Variants in GOT1L1 observed in about 807,000 individuals in gnomAD.
GOT1L1 encodes the protein aspartate aminotransferase, cytoplasmic 2.
In GOT1L1, 38 loss-of-function variants were observed where a neutral mutation model predicts 43.6. The ratio of observed to expected loss-of-function variants is 0.87; its 90% CI spans 0.67 to 1.14. The LOEUF (loss-of-function observed/expected upper bound fraction) is 1.14, where lower values mean the gene tolerates loss of function less well. Ranked by LOEUF, GOT1L1 falls within the 50% of genes most tolerant of loss-of-function variation. GOT1L1 has a pLI of 0.00. For missense variants in GOT1L1, 482 were observed against 504.0 expected (o/e 0.96, Z 0.42); for synonymous variants, 183 against 187.2 (o/e 0.98, Z 0.18).
intron 2 of GOT1L1, among the ~76,000 whole-genome samples, chr8:37,937,963 C>T (rs987730773): frequency 6.6e-6 from 1 of 152,194 alleles, no homozygotes; most frequent in Non-Finnish European, 1.5e-5. Flanking sequence ...ATCACTTGAA[C>T]CCGGAAGGCG....
intron 6 of GOT1L1, 147 bp from the exon 7 acceptor site, chr8:37,936,016 G>T (rs778658319): frequency 1.2e-6 from 1 of 825,876 alleles, no homozygotes; most frequent in African/African-American, 1.8e-5. Context: ...TTCAGGCTCC[G>T]GGAAGTTGCC....
intron 1 of GOT1L1, chr8:37,939,082 T>TA: frequency 5.9e-6 from 3 of 510,242 alleles, no homozygotes; most frequent in Non-Finnish European, 3.6e-6. Context: ...TTTGTCTTTT[T>TA]AAAAAAGACA....
rs1475433812 is a variant in GOT1L1, at chr8:37,939,427, AAAAAATATATATATATAT to A, written c.115+470_115+487del. On this transcript the variant is annotated intron_variant, in intron 1 of 8. Coordinates refer to ENST00000307599, the MANE Select transcript of GOT1L1 (RefSeq NM_152413.3). ...AGGCCCTGTCTCAAGAAAAAAAAAA[AAAAAATATATATATATAT>A]ATATATATATATATATATATATATA... Among the ~76,000 whole-genome samples, 143 of 51,010 alleles carry A rather than the reference AAAAAATATATATATATAT, an allele frequency of 2.8e-3. 7 individuals are homozygous for A. Among genetic ancestry groups the A allele is most frequent in the African/African-American group, 8.8e-3 (104 of 11,882 alleles). 33.5% of individuals were successfully genotyped at this position (51,010 alleles called of 152,430 possible).
Position 37,940,081 on chromosome 8 carries a change from C to T in GOT1L1, c.-52G>A. The T allele has an allele frequency of 6.4e-7, 1 of 1,558,312 alleles. No homozygotes were observed. Among genetic ancestry groups the T allele is most frequent in the East Asian group, 2.4e-5 (1 of 42,546 alleles). On this transcript the variant is annotated 5_prime_UTR_variant, in exon 1 of 9. Coordinates refer to ENST00000307599, the MANE Select transcript of GOT1L1 (RefSeq NM_152413.3). ...TATGTGTCTCTGCTCCTGTGTTCCGCTTCTGCCCAGAAGTCTTCCTCCAAG... is the reference window on the plus strand; with the variant it reads ...TATGTGTCTCTGCTCCTGTGTTCCGTTTCTGCCCAGAAGTCTTCCTCCAAG...
At chr8:37,939,093 A>G (rs930636303) in intron 1 of GOT1L1, 2 of 484,754 alleles carry the variant, frequency 4.1e-6, no homozygotes, top group African/African-American at 3.9e-5. Flanking sequence ...AAAAAAGACA[A>G]CTGAAACCTA....
At chr8:37,935,587 T>C (rs975462939) in intron 7 of GOT1L1, 117 bp downstream of exon 7, 153 of 939,990 alleles carry the variant, frequency 1.6e-4, no homozygotes, top group Non-Finnish European at 2.2e-4. Flanking sequence ...GATGAATGAA[T>C]GGAGTAAAAA....
chr8:37,940,047 A>G lies in GOT1L1; in HGVS notation c.-18T>C. On this transcript the variant is annotated 5_prime_UTR_variant, in exon 1 of 9. Transcript: ENST00000307599. Reference sequence around the variant, plus strand: ...GTGGGCATAACTGAAACGAAACTGGAGCCAAGACTATGTGTCTCTGCTCCT... The same window carrying G: ...GTGGGCATAACTGAAACGAAACTGGGGCCAAGACTATGTGTCTCTGCTCCT... 6.2e-7 allele frequency: 1 copy of G among 1,607,430 alleles called. No individual in the cohort carries two copies. The highest frequency in any genetic ancestry group is 1.3e-5 in the African/African-American group (1 of 74,938).
intron 6 of GOT1L1, 35 bp from the exon 7 acceptor site, chr8:37,935,904 C>G (rs772349579): frequency 6.3e-7 from 1 of 1,597,208 alleles, no homozygotes; most frequent in Non-Finnish European, 8.5e-7. Context: ...AGCCTCAGCC[C>G]CTTCCTCCAC....
chr8:37,936,736 C>A lies in GOT1L1; in HGVS notation c.747G>T (p.Lys249Asn), dbSNP rs802168. Residue 249 changes from lysine (K) to asparagine (N), a missense_variant, in exon 6 of 9, where the codon AAG becomes AAT. Transcript: ENST00000307599. ...GTACCATACCATAAATGCCAAAATT[C>A]TTGGACAGAGACTGGCTGCAGAAGA... Reference protein sequence around the residue: ...FEFFCSQSLSKNFGIYDEGVG... With the variant: ...FEFFCSQSLSNNFGIYDEGVG... 1 of 1,611,998 alleles carries A rather than the reference C, an allele frequency of 6.2e-7. No individual in the cohort carries two copies. Among genetic ancestry groups the A allele is most frequent in the South Asian group, 1.1e-5 (1 of 90,996 alleles).
In GOT1L1 at chr8:37,937,692, G is replaced by C; in HGVS notation, c.355C>G (p.Leu119Val). 1.2e-6 allele frequency: 2 copies of C among 1,613,376 alleles called. No individual in the cohort carries two copies. The highest frequency in any genetic ancestry group is 1.7e-6 in the Non-Finnish European group (2 of 1,179,672). ...CGAGCATCCTTATGCCAAGCTCTGA[G>C]AAACTGGACGCCAAGCTGGAAGGCA... The part of the protein sequence containing the change: ...SGAFQLGVQF[L>V]RAWHKDARIV... Residue 119 changes from leucine (L) to valine (V), a missense_variant, in exon 3 of 9, where the codon CTC (leucine) becomes GTC (valine). Leu to Val is a conservative substitution (Grantham distance 32, BLOSUM62 1). Coordinates refer to ENST00000307599, the MANE Select transcript of GOT1L1 (RefSeq NM_152413.3).
chr8:37,935,026 C>T (rs1342578209), intron 8 of GOT1L1, 47 bp downstream of exon 8: 4 of 1,603,922 alleles, frequency 2.5e-6, no homozygotes, highest in South Asian at 2.2e-5. Context: ...TGCTCAAATA[C>T]AGGCCAAAGG....
At chr8:37,937,198 C>A in intron 4 of GOT1L1, 79 bp downstream of exon 4, 1 of 1,227,816 alleles carries the variant, frequency 8.1e-7, no homozygotes, top group South Asian at 1.3e-5. Context: ...TCTTGGATGA[C>A]TTAAGAGGTG....
In GOT1L1 at chr8:37,935,821, A is replaced by T. The variant is rs1475351210; in HGVS notation, c.812T>A (p.Leu271Gln). Residue 271 changes from leucine (L) to glutamine (Q), a missense_variant, in exon 7 of 9, where the codon CTG (leucine) becomes CAG (glutamine). Coordinates refer to ENST00000307599, the MANE Select transcript of GOT1L1 (RefSeq NM_152413.3). ...LVVVAVNNQQ[L>Q]LCVLSQLEGL... ...TTCCAGCTGGGAGAGGACACACAGCAGCTGCTGGTTGTTGACTGCCACCAC... is the reference window on the plus strand; with the variant it reads ...TTCCAGCTGGGAGAGGACACACAGCTGCTGCTGGTTGTTGACTGCCACCAC... The T allele has an allele frequency of 6.2e-7, 1 of 1,613,016 alleles. No individual in the cohort carries two copies. Among genetic ancestry groups the T allele is most frequent in the East Asian group, 2.2e-5 (1 of 44,826 alleles).
chr8:37,939,416 G>GA (rs4058283), intron 1 of GOT1L1, among the ~76,000 whole-genome samples: 1,572 of 21,250 alleles, frequency 0.074, 144 homozygotes, highest in Non-Finnish European at 0.095. Flanking sequence ...CCTGTCTCAA[G>GA]AAAAAAAAAA....
intron 2 of GOT1L1, 93 bp downstream of exon 2, chr8:37,938,607 G>T: frequency 9.0e-7 from 1 of 1,110,738 alleles, no homozygotes; most frequent in Non-Finnish European, 1.3e-6. Flanking sequence ...ATACCAGGGG[G>T]CCCTCCGAGG....
chr8:37,939,800 C>G, intron 1 of GOT1L1, 115 bp downstream of exon 1: 1 of 988,350 alleles, frequency 1.0e-6, no homozygotes, highest in Non-Finnish European at 1.5e-6. Flanking sequence ...AAGAAAAGAT[C>G]TCTCCACCCA....
Position 37,937,758 on chromosome 8 carries a change from A to T in GOT1L1, c.298-9T>A. 1 of 1,598,622 alleles carries T rather than the reference A, an allele frequency of 6.3e-7. No homozygotes were observed. On this transcript the variant is annotated splice_polypyrimidine_tract_variant and intron_variant, in intron 2 of 8. Coordinates refer to ENST00000307599, the MANE Select transcript of GOT1L1 (RefSeq NM_152413.3). ...GTGTGTACACCCCCTACCTGCCAGC[A>T]AGACATAGACACAAATAGGCCAGGT...
In GOT1L1 at chr8:37,936,946, G is replaced by T. The variant is rs1383940645; in HGVS notation, c.612+19C>A. 30 of 1,612,184 alleles carry T rather than the reference G, an allele frequency of 1.9e-5. No individual in the cohort carries two copies. Among genetic ancestry groups the T allele is most frequent in the Non-Finnish European group, 2.5e-5 (29 of 1,178,394 alleles). The stretch of plus-strand genomic sequence containing the variant: ...CAGAGAGTCAAAGACAGGAAGGTCG[G>T]GTGGGAGATTGGGTTTACCTTTATC... On this transcript the variant is annotated intron_variant, in intron 5 of 8. Transcript: ENST00000307599.
chr8:37,934,806 C>T lies in GOT1L1; in HGVS notation c.1072+267G>A, dbSNP rs530871212. ...GGCCAGGCTGGTCTCGAACTCCTGA[C>T]CTCAGGTGACCCACCCGCCTCGGCC... is the stretch of plus-strand genomic sequence containing the variant. On this transcript the variant is annotated intron_variant, in intron 8 of 8. Transcript: ENST00000307599. Among the ~76,000 whole-genome samples, 46 of 152,192 alleles carry T rather than the reference C, an allele frequency of 3.0e-4. 1 individual carries two copies. In the South Asian group the frequency reaches 6.2e-3, roughly 21 times the overall value.
Sources: gnomAD v4.1 joint callset for allele counts (sites outside exome capture counted in the v4.1 genomes callset) on GRCh38, gnomAD v4.1.1 for gene constraint, MANE v1.5 for transcripts, NCBI Gene and HGNC (gene_info 2026-07-23, HGNC 2026-07-21) for gene names.